Variants in ARHGAP10 observed in about 807,000 individuals in gnomAD.
The protein encoded by ARHGAP10 is rho GTPase-activating protein 10.
In ARHGAP10, 87 loss-of-function variants were observed where a neutral mutation model predicts 108.6. The observed-to-expected ratio is 0.80, with a 90% CI of 0.67 to 0.96. ARHGAP10 has a LOEUF of 0.96. Ranked by LOEUF, ARHGAP10 falls within the 40% of genes least tolerant of loss-of-function variation. The pLI, the probability that ARHGAP10 is intolerant of heterozygous loss-of-function variation, is 0.00. For missense variants in ARHGAP10, 939 were observed against 954.5 expected (o/e 0.98, Z 0.21); for synonymous variants, 347 against 341.1 (o/e 1.02, Z -0.19).
chr4:147,996,240 C>T (rs1242516779), intron 18 of ARHGAP10, among the ~76,000 whole-genome samples: 2 of 152,208 alleles, frequency 1.3e-5, no homozygotes, highest in African/African-American at 4.8e-5. Flanking sequence ...CTATCATAAA[C>T]ACCCAGAGTT....
intron 9 of ARHGAP10, among the ~76,000 whole-genome samples, chr4:147,880,089 C>T (rs1735266624): frequency 6.6e-6 from 1 of 152,176 alleles, no homozygotes; most frequent in South Asian, 2.1e-4. Flanking sequence ...GAAGACCTCA[C>T]AGAGTTGGCT....
intron 1 of ARHGAP10, among the ~76,000 whole-genome samples, chr4:147,742,513 C>T (rs1218743740): frequency 1.8e-5 from 2 of 109,642 alleles, no homozygotes; most frequent in South Asian, 3.1e-4. Flanking sequence ...GATGGAGTCT[C>T]GCTTTTGCAG....
intron 14 of ARHGAP10, among the ~76,000 whole-genome samples, chr4:147,943,984 C>T (rs925938116): frequency 2.3e-4 from 35 of 152,188 alleles, no homozygotes; most frequent in African/African-American, 7.2e-4. Flanking sequence ...TCTCAAAATA[C>T]GGAATCATAA....
At chr4:147,984,067 T>C (rs979007878) in intron 18 of ARHGAP10, among the ~76,000 whole-genome samples, 6 of 152,168 alleles carry the variant, frequency 3.9e-5, no homozygotes, top group African/African-American at 1.4e-4. Flanking sequence ...GTTCCAAGGC[T>C]GTTTATGAGT....
intron 5 of ARHGAP10, chr4:147,861,206 C>T (rs947109889): frequency 5.3e-5 from 8 of 152,372 alleles, no homozygotes; most frequent in African/African-American, 1.7e-4. Context: ...CCGGGCATGC[C>T]GACTGTGGTG....
chr4:147,934,519 T>C (rs1403626838), intron 13 of ARHGAP10, among the ~76,000 whole-genome samples: 1 of 152,232 alleles, frequency 6.6e-6, no homozygotes, highest in African/African-American at 2.4e-5. Flanking sequence ...TTGGGAGTTG[T>C]GACTAAGATT....
intron 1 of ARHGAP10, among the ~76,000 whole-genome samples, chr4:147,798,825 T>C: frequency 2.2e-5 from 3 of 133,402 alleles, no homozygotes; most frequent in Non-Finnish European, 3.0e-5. Context: ...ATAGACTTTT[T>C]ACCCCCCCAC....
chr4:147,940,173 G>T (rs1738119343), intron 14 of ARHGAP10, among the ~76,000 whole-genome samples: 1 of 152,220 alleles, frequency 6.6e-6, no homozygotes, highest in Non-Finnish European at 1.5e-5. Context: ...GGAAGTGGCA[G>T]TCAGGCCTCT....
At chr4:147,812,294 C>T (rs1178414019) in intron 1 of ARHGAP10, among the ~76,000 whole-genome samples, 1 of 152,104 alleles carries the variant, frequency 6.6e-6, no homozygotes, top group African/African-American at 2.4e-5. Flanking sequence ...TTATGTAACA[C>T]CTTCTCCCTC....
At chr4:147,864,728 T>A (rs768254680) in intron 5 of ARHGAP10, 118 bp from the exon 6 acceptor site, 1 of 750,310 alleles carries the variant, frequency 1.3e-6, no homozygotes, top group Non-Finnish European at 2.2e-6. Context: ...AATACTTTAT[T>A]TACAAAATCA....
At position 147,965,030 on chromosome 4, in the gene ARHGAP10, G is replaced by T; in HGVS notation, c.1457G>T (p.Gly486Val). 1 of 1,534,756 alleles carries T rather than the reference G, an allele frequency of 6.5e-7. No individual in the cohort carries two copies. Among genetic ancestry groups the T allele is most frequent in the Non-Finnish European group, 8.7e-7 (1 of 1,146,414 alleles). The change falls in exon 17 of 23, where the codon GGC becomes GTC. Residue 486 changes from glycine to valine, a missense_variant. Physicochemically the swap from Gly to Val is moderately radical, Grantham distance 109. Coordinates refer to ENST00000336498, the MANE Select transcript of ARHGAP10 (RefSeq NM_024605.4). Reference sequence around the variant, plus strand: ...ATTATTTTTTTTTTGGAAGAAAGCGGCAGCCCAGAATCTCGTGTTAATGCG... The same window carrying T: ...ATTATTTTTTTTTTGGAAGAAAGCGTCAGCCCAGAATCTCGTGTTAATGCG... ...HGDFIVPAKS[G>V]SPESRVNAIH...
At chr4:147,981,076 C>T (rs1422228512) in intron 18 of ARHGAP10, among the ~76,000 whole-genome samples, 1 of 152,050 alleles carries the variant, frequency 6.6e-6, no homozygotes, top group African/African-American at 2.4e-5. Flanking sequence ...TAGTTCTGCT[C>T]TGATTTTAGT....
At chr4:147,794,546 A>G (rs1579054363) in intron 1 of ARHGAP10, among the ~76,000 whole-genome samples, 1 of 152,232 alleles carries the variant, frequency 6.6e-6, no homozygotes, top group Admixed American at 6.5e-5. Context: ...GACAAGTGTC[A>G]GGGCTTCAAA....
chr4:147,741,834 C>T (rs572218571), intron 1 of ARHGAP10, among the ~76,000 whole-genome samples: 82 of 147,530 alleles, frequency 5.6e-4, no homozygotes, highest in Non-Finnish European at 1.0e-3. Flanking sequence ...ACACACCAGG[C>T]GCTTTGCATT....
At chr4:147,970,128 C>A (rs1183213185) in intron 18 of ARHGAP10, among the ~76,000 whole-genome samples, 1 of 152,186 alleles carries the variant, frequency 6.6e-6, no homozygotes, top group East Asian at 1.9e-4. Flanking sequence ...TGTTCCTGCT[C>A]AGTTGGACTT....
intron 1 of ARHGAP10, among the ~76,000 whole-genome samples, chr4:147,754,077 T>C (rs527338570): frequency 3.3e-5 from 5 of 152,338 alleles, no homozygotes; most frequent in African/African-American, 1.2e-4. Context: ...TGTCTGTCTT[T>C]CGTCCTCCAG....
intron 19 of ARHGAP10, among the ~76,000 whole-genome samples, chr4:148,026,985 C>G (rs1727892006): frequency 6.6e-6 from 1 of 152,186 alleles, no homozygotes; most frequent in Admixed American, 6.5e-5. Context: ...CTTACAATCT[C>G]TTACATAAAG....
intron 18 of ARHGAP10, among the ~76,000 whole-genome samples, chr4:147,993,699 C>T (rs1441390797): frequency 1.3e-5 from 2 of 152,290 alleles, no homozygotes; most frequent in African/African-American, 2.4e-5. Flanking sequence ...TTAAAGACTT[C>T]GTGTACTAAG....
At chr4:147,966,900 C>T (rs190620812) in intron 18 of ARHGAP10, 61 bp downstream of exon 18, 136 of 1,328,732 alleles carry the variant, frequency 1.0e-4, no homozygotes, top group East Asian at 3.5e-4. Context: ...TACTACACAA[C>T]GATCCTCTTA....
Sources: allele counts gnomAD v4.1 joint callset (sites outside exome capture counted in the v4.1 genomes callset), GRCh38; gene constraint gnomAD v4.1.1; transcripts MANE v1.5; gene names NCBI Gene and HGNC (gene_info 2026-07-23, HGNC 2026-07-21).